The following EMP2 variants were observed in gnomAD, a reference collection of about 807,000 sequenced individuals.
The protein encoded by EMP2 is epithelial membrane protein 2.
EMP2 carries 19 observed loss-of-function variants against 13.7 expected under a neutral mutation model. The observed-to-expected ratio is 1.38, with a 90% CI of 0.97 to 2.03. The LOEUF is 2.03. EMP2 is among the 30% of genes most tolerant of loss of function. The probability of loss-of-function intolerance (pLI) is 0.00; values close to 1 mark genes in which losing one functional copy is unlikely to be tolerated. For synonymous variants in EMP2, 97 were observed against 84.7 expected, an observed-to-expected ratio of 1.15 and a Z score of -0.80; for missense variants, 253 against 220.7, an observed-to-expected ratio of 1.15 and a Z score of -0.93.
chr16:10,533,563 A>G (rs751312722), intron 4 of EMP2, among the ~76,000 whole-genome samples: 2 of 152,212 alleles, frequency 1.3e-5, no homozygotes, highest in Non-Finnish European at 2.9e-5. Context: ...GACAGTAAGC[A>G]GTTTAGGTTT....
intron 1 of EMP2, among the ~76,000 whole-genome samples, chr16:10,570,502 A>G (rs1385434414): frequency 6.6e-6 from 1 of 152,172 alleles, no homozygotes; most frequent in East Asian, 1.9e-4. Context: ...AATTCAAGCA[A>G]TTCTCCTGCC....
At chr16:10,542,399 AAAACAAAC>A (rs144013890) in intron 3 of EMP2, among the ~76,000 whole-genome samples, 1 of 151,284 alleles carries the variant, frequency 6.6e-6, no homozygotes, top group African/African-American at 2.4e-5. Flanking sequence ...CCCTGTCTCA[AAAACAAAC>A]AAACAAACAA....
At chr16:10,539,436 C>G (rs777074951) in intron 3 of EMP2, among the ~76,000 whole-genome samples, 2 of 152,064 alleles carry the variant, frequency 1.3e-5, no homozygotes, top group Non-Finnish European at 2.9e-5. Context: ...GGAGTCAGAC[C>G]GGCTCCCCCA....
At chr16:10,543,852 T>C (rs1157016265) in intron 2 of EMP2, among the ~76,000 whole-genome samples, 192 bp from the exon 3 acceptor site, 3 of 152,128 alleles carry the variant, frequency 2.0e-5, no homozygotes, top group African/African-American at 7.2e-5. Context: ...TCTGCATTTC[T>C]TTCTTTTCTA....
chr16:10,557,980 T>C (rs760010616), intron 1 of EMP2, among the ~76,000 whole-genome samples: 9 of 150,998 alleles, frequency 6.0e-5, no homozygotes, highest in Non-Finnish European at 1.3e-4. Context: ...TGGGTGGCGT[T>C]ATGGAAATTC....
At chr16:10,560,649 T>C (rs2050864524) in intron 1 of EMP2, among the ~76,000 whole-genome samples, 1 of 152,138 alleles carries the variant, frequency 6.6e-6, no homozygotes, top group Non-Finnish European at 1.5e-5. Flanking sequence ...AACGGACGGA[T>C]ATGACGTGAT....
intron 1 of EMP2, among the ~76,000 whole-genome samples, chr16:10,566,373 A>G (rs541301178): frequency 6.6e-6 from 1 of 152,360 alleles, no homozygotes; most frequent in South Asian, 2.1e-4. Flanking sequence ...TTCTGGTTCA[A>G]GGCTGTTGCC....
intron 2 of EMP2, among the ~76,000 whole-genome samples, chr16:10,543,961 G>C (rs9930721): frequency 0.44 from 66,342 of 151,900 alleles, 14,857 homozygotes; most frequent in East Asian, 0.65. Context: ...TTGGGCTCGA[G>C]CAATCCTCCC....
At chr16:10,575,138 C>G (rs2050973530) in intron 1 of EMP2, among the ~76,000 whole-genome samples, 1 of 151,556 alleles carries the variant, frequency 6.6e-6, no homozygotes, top group South Asian at 2.1e-4. Context: ...CCTCCCAAGC[C>G]CATCTCCAAC....
intron 1 of EMP2, among the ~76,000 whole-genome samples, chr16:10,565,746 G>C (rs1256809425): frequency 6.6e-6 from 1 of 152,070 alleles, no homozygotes; most frequent in Non-Finnish European, 1.5e-5. Flanking sequence ...TTTAGCACTA[G>C]GGCAGATGCT....
chr16:10,578,715 G>C (rs1051828345), intron 1 of EMP2, among the ~76,000 whole-genome samples: 1 of 152,256 alleles, frequency 6.6e-6, no homozygotes, highest in Non-Finnish European at 1.5e-5. Context: ...TTGAGGGGCA[G>C]AGGAGGCTCC....
At chr16:10,577,766 G>C (rs28688877) in intron 1 of EMP2, among the ~76,000 whole-genome samples, 15,618 of 152,008 alleles carry the variant, frequency 0.1, 1,083 homozygotes, top group African/African-American at 0.19. Flanking sequence ...CTCTGGGAGA[G>C]ATCTGCTCCC....
chr16:10,552,643 CTTTTTA>C (rs1298031291), intron 1 of EMP2, among the ~76,000 whole-genome samples: 2 of 152,138 alleles, frequency 1.3e-5, no homozygotes, highest in East Asian at 1.9e-4. Context: ...AACGTTCTTT[CTTTTTA>C]TAAGGAAGAA....
At chr16:10,561,520 A>G (rs7190612) in intron 1 of EMP2, among the ~76,000 whole-genome samples, 101,378 of 152,064 alleles carry the variant, frequency 0.67, 34,972 homozygotes, top group East Asian at 0.91. Context: ...AGAGCACATG[A>G]TGGGACCCAG....
intron 1 of EMP2, 45 bp from the exon 2 acceptor site, chr16:10,547,722 A>C (rs2050750754): frequency 2.6e-6 from 3 of 1,154,010 alleles, no homozygotes; most frequent in Admixed American, 2.3e-5. Context: ...TCAATGACAA[A>C]ACAAAATTAC....
chr16:10,579,737 CA>C (rs1264491669), intron 1 of EMP2, among the ~76,000 whole-genome samples: 4 of 151,414 alleles, frequency 2.6e-5, no homozygotes, highest in East Asian at 3.9e-4. Context: ...CACACACACA[CA>C]CCCTCAAAGC....
Position 10,532,765 on chromosome 16 carries a change from T to C in EMP2, c.*140A>G, listed in dbSNP as rs1336247924. The C allele has an allele frequency of 4.5e-3, 1,130 of 251,822 alleles. 82 individuals carry two copies. The highest frequency in any genetic ancestry group is 0.029 in the African/African-American group (923 of 31,766). The allele number at this position is 251,822 out of a possible 1,614,324, so 15.6% of individuals were successfully genotyped here. A position where few individuals can be genotyped will look rare whatever the true frequency, so the allele number is the denominator to read the frequency against. On this transcript the variant is annotated 3_prime_UTR_variant, in exon 5 of 5. Transcript: ENST00000359543. The stretch of plus-strand genomic sequence containing the variant: ...ATTTTTTTTTTCTTTTTTCTTTTTT[T>C]TTTTTTTTTTTTTTTTTTTTTGGCT...
chr16:10,575,415 G>A (rs2050977632), intron 1 of EMP2, among the ~76,000 whole-genome samples: 1 of 151,220 alleles, frequency 6.6e-6, no homozygotes, highest in African/African-American at 2.4e-5. Context: ...CACCACACCG[G>A]GCTAATTTTT....
chr16:10,575,237 C>CTTTTTTTTTTTTTTT lies in EMP2; in HGVS notation c.-61+5297_-61+5311dup, dbSNP rs761837614. On this transcript the variant is annotated intron_variant, in intron 1 of 4. Coordinates refer to ENST00000359543, the MANE Select transcript of EMP2 (RefSeq NM_001424.6). The stretch of plus-strand genomic sequence containing the variant: ...TGGCCTTGGTCCTGGAGCTTGCATT[C>CTTTTTTTTTTTTTTT]TTTTTTTTTTTTTTTTTTTTTTTTT... Among the ~76,000 whole-genome samples the CTTTTTTTTTTTTTTT allele has an allele frequency of 7.6e-4, 40 of 52,486 alleles. 8 individuals carry two copies. The highest frequency in any genetic ancestry group is 1.2e-3 in the African/African-American group (19 of 15,662). 34.4% of individuals were successfully genotyped at this position (52,486 alleles called of 152,430 possible). A position where few individuals can be genotyped will look rare whatever the true frequency, so the allele number is the denominator to read the frequency against.
Sources: allele counts gnomAD v4.1 joint callset (sites outside exome capture counted in the v4.1 genomes callset), GRCh38; gene constraint gnomAD v4.1.1; transcripts MANE v1.5; gene names NCBI Gene and HGNC (gene_info 2026-07-23, HGNC 2026-07-21).